Variants in SCTR observed in about 807,000 individuals in gnomAD.
The protein encoded by SCTR is pancreatic secretin receptor.
In SCTR, 56 loss-of-function variants were observed where a neutral mutation model predicts 60.8. That is an observed-to-expected ratio of 0.92 (90% CI 0.74 to 1.15). The LOEUF (loss-of-function observed/expected upper bound fraction) is 1.15, where lower values mean the gene tolerates loss of function less well. Among genes scored for constraint, SCTR ranks in the 50% most tolerant of loss-of-function variants. The probability of loss-of-function intolerance (pLI) is 0.00; values close to 1 mark genes in which losing one functional copy is unlikely to be tolerated. For missense variants in SCTR, 562 were observed against 550.4 expected, an observed-to-expected ratio of 1.02 and a Z score of -0.21; for synonymous variants, 202 against 217.0, an observed-to-expected ratio of 0.93 and a Z score of 0.61.
intron 1 of SCTR, among the ~76,000 whole-genome samples, chr2:119,511,618 G>C (rs1678933688): frequency 6.6e-6 from 1 of 152,032 alleles, no homozygotes; most frequent in Non-Finnish European, 1.5e-5. Context: ...GGATATTTCT[G>C]TCTCAGAGTT....
chr2:119,500,020 A>G (rs1678482293), intron 1 of SCTR, among the ~76,000 whole-genome samples: 1 of 152,136 alleles, frequency 6.6e-6, no homozygotes, highest in African/African-American at 2.4e-5. Flanking sequence ...TATACACTTC[A>G]ATTTAAAAAT....
intron 9 of SCTR, among the ~76,000 whole-genome samples, chr2:119,449,663 A>G (rs551644449): frequency 2.6e-4 from 40 of 152,138 alleles, no homozygotes; most frequent in African/African-American, 9.4e-4. Context: ...CAGCCATTTT[A>G]TAGAAGCAGG....
intron 2 of SCTR, among the ~76,000 whole-genome samples, chr2:119,491,961 C>T (rs1319995619): frequency 1.3e-5 from 2 of 152,212 alleles, no homozygotes; most frequent in Admixed American, 6.5e-5. Flanking sequence ...ATAAACTCAA[C>T]CTGCAACATC....
At chr2:119,450,050 AAAAG>A (rs1436647130) in intron 9 of SCTR, among the ~76,000 whole-genome samples, 7 of 144,882 alleles carry the variant, frequency 4.8e-5, no homozygotes, top group Non-Finnish European at 1.0e-4. Context: ...GAAGAAAGAA[AAAAG>A]AAAGAAAAAG....
Position 119,445,181 on chromosome 2 carries a change from G to A in SCTR, c.1140+1578C>T, listed in dbSNP as rs573171959. Among the ~76,000 whole-genome samples the A allele has an allele frequency of 9.9e-4, 150 of 152,012 alleles. No homozygotes were observed. In the Middle Eastern group the frequency reaches 0.01, roughly 10 times the overall value. On this transcript the variant is annotated intron_variant, in intron 11 of 12. Coordinates refer to ENST00000019103, the MANE Select transcript of SCTR (RefSeq NM_002980.3). ...TCCCCATCCATGGCCAGGCAGACCC[G>A]GGTCCAAGCTCTCAGCATGGTCCCT...
At chr2:119,460,201 G>T (rs1683547196) in intron 7 of SCTR, among the ~76,000 whole-genome samples, 1 of 151,524 alleles carries the variant, frequency 6.6e-6, no homozygotes, top group East Asian at 2.0e-4. Context: ...AGCAGAAAAG[G>T]CAGCACAGGG....
At chr2:119,521,653 G>A (rs1679289776) in intron 1 of SCTR, among the ~76,000 whole-genome samples, 1 of 152,140 alleles carries the variant, frequency 6.6e-6, no homozygotes, top group African/African-American at 2.4e-5. Context: ...ATGGAGTAGA[G>A]GGAGAGCGGT....
At chr2:119,467,503 C>T (rs6759431) in intron 4 of SCTR, among the ~76,000 whole-genome samples, 10,909 of 152,078 alleles carry the variant, frequency 0.072, 1,271 homozygotes, top group African/African-American at 0.25. Context: ...GTAATAATTT[C>T]CTCTGCAGGT....
chr2:119,470,894 T>A (rs1385027380), intron 4 of SCTR, among the ~76,000 whole-genome samples: 1 of 152,066 alleles, frequency 6.6e-6, no homozygotes, highest in Non-Finnish European at 1.5e-5. Flanking sequence ...AGAGACAGAG[T>A]TTCGCCATGT....
At chr2:119,512,756 G>T (rs918991284) in intron 1 of SCTR, among the ~76,000 whole-genome samples, 1 of 152,070 alleles carries the variant, frequency 6.6e-6, no homozygotes, top group Non-Finnish European at 1.5e-5. Flanking sequence ...TTTTATGAAT[G>T]TTTTGTTTCA....
chr2:119,443,477 T>G (rs2104750024), intron 11 of SCTR, among the ~76,000 whole-genome samples: 1 of 152,378 alleles, frequency 6.6e-6, no homozygotes, highest in East Asian at 1.9e-4. Context: ...TTTCTTTTTT[T>G]GAAAAACTTT....
In SCTR at chr2:119,461,486, C is replaced by T. The variant is rs537746344; in HGVS notation, c.790+361G>A. Among the ~76,000 whole-genome samples, 10 of 152,210 alleles carry T rather than the reference C, an allele frequency of 6.6e-5. No individual in the cohort carries two copies. The South Asian group carries it at 1.5e-3, about 22-fold the overall frequency. On this transcript the variant is annotated intron_variant, in intron 7 of 12. Coordinates refer to ENST00000019103, the MANE Select transcript of SCTR (RefSeq NM_002980.3). ...CATCACTTTGGGAGGCCGAGGCGGGCGGATCACCTGAGGTCAGGAGTTCAA... is the reference window on the plus strand; with the variant it reads ...CATCACTTTGGGAGGCCGAGGCGGGTGGATCACCTGAGGTCAGGAGTTCAA...
intron 2 of SCTR, among the ~76,000 whole-genome samples, chr2:119,488,483 C>T (rs1266763960): frequency 1.3e-5 from 2 of 152,220 alleles, no homozygotes; most frequent in Admixed American, 1.3e-4. Context: ...CAGGACCTGG[C>T]GGAAAGCGCT....
rs139311817 is a variant in SCTR, at chr2:119,443,104, G to A, written c.1141-1505C>T. Among the ~76,000 whole-genome samples the A allele has an allele frequency of 5.7e-3, 874 of 152,250 alleles. 8 individuals are homozygous for A. Among genetic ancestry groups the A allele is most frequent in the Middle Eastern group, 0.014 (4 of 294 alleles). On this transcript the variant is annotated intron_variant, in intron 11 of 12. Coordinates refer to ENST00000019103, the MANE Select transcript of SCTR (RefSeq NM_002980.3). The stretch of plus-strand genomic sequence containing the variant: ...GATGCTGCCCGTTGCATGGGCTAGG[G>A]TTGCCTGGCCTCCGCTGCGCTAGGG...
intron 6 of SCTR, 131 bp from the exon 7 acceptor site, chr2:119,462,131 A>T: frequency 1.3e-6 from 1 of 784,446 alleles, no homozygotes; most frequent in Non-Finnish European, 1.9e-6. Flanking sequence ...CTGGGGTTCA[A>T]GGCCATCTTC....
At chr2:119,454,819 G>A (rs146499552) in intron 7 of SCTR, among the ~76,000 whole-genome samples, 1,572 of 149,514 alleles carry the variant, frequency 0.011, 27 homozygotes, top group African/African-American at 0.037. Flanking sequence ...GCGCCACTGC[G>A]CTCCAGCCTG....
At chr2:119,499,177 G>A (rs1440371445) in intron 1 of SCTR, among the ~76,000 whole-genome samples, 1 of 151,892 alleles carries the variant, frequency 6.6e-6, no homozygotes, top group Non-Finnish European at 1.5e-5. Flanking sequence ...AAAATACATA[G>A]CAATGGTAAA....
intron 4 of SCTR, among the ~76,000 whole-genome samples, chr2:119,472,905 T>G (rs570252199): frequency 1.3e-5 from 2 of 152,278 alleles, no homozygotes; most frequent in East Asian, 3.9e-4. Flanking sequence ...GGATTATAGG[T>G]GTAAGCCGCC....
intron 2 of SCTR, among the ~76,000 whole-genome samples, chr2:119,492,771 C>T (rs1678184476): frequency 6.6e-6 from 1 of 152,078 alleles, no homozygotes. Flanking sequence ...ACAGGTTTGG[C>T]TCATCTGCAC....
Sources: allele counts gnomAD v4.1 joint callset (sites outside exome capture counted in the v4.1 genomes callset), GRCh38; gene constraint gnomAD v4.1.1; transcripts MANE v1.5; gene names NCBI Gene and HGNC (gene_info 2026-07-23, HGNC 2026-07-21).